The following FAM13A variants were observed in gnomAD, a reference collection of about 807,000 sequenced individuals.
The protein encoded by FAM13A is family with sequence similarity 13 member A, also known as protein FAM13A.
A neutral mutation model predicts 129.6 loss-of-function variants in FAM13A; 76 were observed. The ratio of observed to expected loss-of-function variants is 0.59; its 90% confidence interval spans 0.49 to 0.71. FAM13A has a LOEUF of 0.71. FAM13A is among the 30% of genes least tolerant of loss of function. FAM13A has a pLI of 0.00. For synonymous variants in FAM13A, 443 were observed against 449.9 expected, an observed-to-expected ratio of 0.98 and a Z score of 0.20; for missense variants, 1,108 against 1,249.3, an observed-to-expected ratio of 0.89 and a Z score of 1.70.
intron 7 of FAM13A, among the ~76,000 whole-genome samples, chr4:88,814,170 A>G (rs1254406280): frequency 2.6e-5 from 4 of 152,186 alleles, no homozygotes; most frequent in Non-Finnish European, 4.4e-5. Flanking sequence ...CAAGTTTTAG[A>G]AAGGTTAATT....
At chr4:88,832,964 G>A (rs1734152617) in intron 7 of FAM13A, among the ~76,000 whole-genome samples, 2 of 151,964 alleles carry the variant, frequency 1.3e-5, no homozygotes, top group Non-Finnish European at 2.9e-5. Context: ...CAATAGCAAA[G>A]ACATGGAATG....
chr4:88,785,003 CA>C (rs1723683988), intron 10 of FAM13A, among the ~76,000 whole-genome samples: 1 of 152,052 alleles, frequency 6.6e-6, no homozygotes. Context: ...AGACAAATAA[CA>C]AATCATTTGT....
At chr4:88,988,670 T>TA (rs1490688898) in intron 4 of FAM13A, among the ~76,000 whole-genome samples, 8 of 152,158 alleles carry the variant, frequency 5.3e-5, no homozygotes, top group African/African-American at 1.7e-4. Context: ...AAAAACCAGT[T>TA]AAGTTCTAGT....
intron 11 of FAM13A, among the ~76,000 whole-genome samples, chr4:88,780,251 G>A (rs751467936): frequency 3.3e-5 from 5 of 152,054 alleles, no homozygotes; most frequent in Non-Finnish European, 5.9e-5. Flanking sequence ...AATCTTCTCC[G>A]AGCACATGCA....
At chr4:89,000,826 A>T (rs899633200) in intron 3 of FAM13A, among the ~76,000 whole-genome samples, 1 of 152,244 alleles carries the variant, frequency 6.6e-6, no homozygotes, top group Non-Finnish European at 1.5e-5. Flanking sequence ...GAGTGTACCT[A>T]CTTCTCCTCC....
intron 7 of FAM13A, among the ~76,000 whole-genome samples, chr4:88,840,155 A>C (rs549329940): frequency 6.6e-6 from 1 of 152,344 alleles, no homozygotes; most frequent in South Asian, 2.1e-4. Flanking sequence ...AAAGTGAAGA[A>C]AGTGCTTCAA....
Position 88,728,491 on chromosome 4 carries a change from C to G in FAM13A, c.*42G>C. 6.2e-7 allele frequency: 1 copy of G among 1,612,602 alleles called. No homozygotes were observed. The highest frequency in any genetic ancestry group is 8.5e-7 in the Non-Finnish European group (1 of 1,179,608). On this transcript the variant is annotated 3_prime_UTR_variant, in exon 24 of 24. Transcript: ENST00000264344. The stretch of plus-strand genomic sequence containing the variant: ...CTGCACTTTCTCTGGGGACAGTAAA[C>G]TCTCACCGCAGCTGCCAGCCCCCTG...
intron 7 of FAM13A, among the ~76,000 whole-genome samples, chr4:88,830,588 A>G (rs1733733156): frequency 1.3e-5 from 2 of 152,232 alleles, no homozygotes; most frequent in African/African-American, 4.8e-5. Context: ...AAATTATATC[A>G]TTGTTTTTCC....
In FAM13A at chr4:88,826,331, A is replaced by C. The variant is rs1732986545; in HGVS notation, c.1008-21279T>G. On this transcript the variant is annotated intron_variant, in intron 7 of 23. Coordinates refer to ENST00000264344, the MANE Select transcript of FAM13A (RefSeq NM_014883.4). ...TAGGATTAAAAAAAAAAAAAAAAAA[A>C]CCATTCCTGACCCTCCTGAGCATTT... Among the ~76,000 whole-genome samples the C allele has an allele frequency of 6.3e-5, 9 of 142,084 alleles. No individual in the cohort carries two copies. In the South Asian group the frequency reaches 2.1e-3, roughly 33 times the overall value. The allele number at this position is 142,084 out of a possible 152,430, so 93.2% of individuals were successfully genotyped here. A position where few individuals can be genotyped will look rare whatever the true frequency, so the allele number is the denominator to read the frequency against.
intron 5 of FAM13A, among the ~76,000 whole-genome samples, chr4:88,928,604 A>G (rs772900286): frequency 6.6e-5 from 10 of 152,110 alleles, no homozygotes; most frequent in Non-Finnish European, 1.3e-4. Flanking sequence ...TTTATCTGAT[A>G]TAAGTATAGC....
intron 1 of FAM13A, among the ~76,000 whole-genome samples, chr4:89,054,940 C>T (rs1772036601): frequency 6.6e-6 from 1 of 152,158 alleles, no homozygotes. Flanking sequence ...TCTAAAATTA[C>T]CTGCAGCTCC....
At chr4:88,770,467 C>A (rs1203473951) in intron 11 of FAM13A, among the ~76,000 whole-genome samples, 1 of 152,156 alleles carries the variant, frequency 6.6e-6, no homozygotes, top group African/African-American at 2.4e-5. Flanking sequence ...ATGATACATT[C>A]ATAGTTACGT....
At chr4:88,877,149 T>C (rs1272518843) in intron 6 of FAM13A, among the ~76,000 whole-genome samples, 1 of 152,226 alleles carries the variant, frequency 6.6e-6, no homozygotes, top group Non-Finnish European at 1.5e-5. Flanking sequence ...AAGTTTTAAT[T>C]ATAATGCCTA....
In FAM13A at chr4:88,805,000, CAAAT is replaced by C. The variant is rs1561041026; in HGVS notation, c.1049+7_1049+10del. 5 of 1,530,038 alleles carry C rather than the reference CAAAT, an allele frequency of 3.3e-6. No individual in the cohort carries two copies. The Admixed American group carries it at 8.5e-5, about 26-fold the overall frequency. The allele number at this position is 1,530,038 out of a possible 1,614,324, so 94.8% of individuals were successfully genotyped here. A position where few individuals can be genotyped will look rare whatever the true frequency, so the allele number is the denominator to read the frequency against. ...TTCCCTGTAGTAGACCAACAAAAATCAAATAAATACCTCAAATAGAAAGGTGACA... is the reference window on the plus strand; with the variant it reads ...TTCCCTGTAGTAGACCAACAAAAATCAAATACCTCAAATAGAAAGGTGACA... On this transcript the variant is annotated splice_region_variant and intron_variant, in intron 8 of 23. Coordinates refer to ENST00000264344, the MANE Select transcript of FAM13A (RefSeq NM_014883.4).
At chr4:88,729,220 G>C (rs1737094296) in intron 23 of FAM13A, 1 of 152,662 alleles carries the variant, frequency 6.6e-6, no homozygotes, top group South Asian at 2.1e-4. Flanking sequence ...AAGTATTTGA[G>C]AGCTTATAGG....
intron 7 of FAM13A, among the ~76,000 whole-genome samples, chr4:88,817,981 C>T (rs967873475): frequency 2.0e-5 from 3 of 151,972 alleles, no homozygotes; most frequent in African/African-American, 7.2e-5. Context: ...AAAACCAAAA[C>T]TATCACTTTT....
In FAM13A at chr4:88,851,187, G is replaced by T. The variant is rs754235562; in HGVS notation, c.844-4C>A. Reference sequence around the variant, plus strand: ...CCTCACTCCTGGATTTTGGGATCTAGAAGAAAAAAAAAAGAGGGGTGGGGG... The same window carrying T: ...CCTCACTCCTGGATTTTGGGATCTATAAGAAAAAAAAAAGAGGGGTGGGGG... On this transcript the variant is annotated splice_polypyrimidine_tract_variant and splice_region_variant and intron_variant, in intron 6 of 23. Transcript: ENST00000264344. 1.9e-5 allele frequency: 29 copies of T among 1,507,636 alleles called. No individual in the cohort carries two copies. The highest frequency in any genetic ancestry group is 7.2e-5 in the East Asian group (3 of 41,918). 93.4% of individuals were successfully genotyped at this position (1,507,636 alleles called of 1,614,324 possible). A position where few individuals can be genotyped will look rare whatever the true frequency, so the allele number is the denominator to read the frequency against.
intron 11 of FAM13A, among the ~76,000 whole-genome samples, chr4:88,770,476 G>A (rs377480567): frequency 1.6e-4 from 25 of 152,180 alleles, no homozygotes; most frequent in African/African-American, 6.0e-4. Context: ...TCATAGTTAC[G>A]TGTAAATGAC....
At chr4:88,923,669 T>C (rs1315301339) in intron 5 of FAM13A, among the ~76,000 whole-genome samples, 3 of 152,086 alleles carry the variant, frequency 2.0e-5, no homozygotes, top group Non-Finnish European at 4.4e-5. Flanking sequence ...CTCTCACCAC[T>C]CCTACTCAAC....
Sources: gnomAD v4.1 joint callset for allele counts (sites outside exome capture counted in the v4.1 genomes callset) on GRCh38, gnomAD v4.1.1 for gene constraint, MANE v1.5 for transcripts, NCBI Gene and HGNC (gene_info 2026-07-23, HGNC 2026-07-21) for gene names.